Variants in AAMDC observed in about 807,000 individuals in gnomAD.
The protein encoded by AAMDC is adipogenesis associated Mth938 domain containing, also known as mth938 domain-containing protein.
AAMDC carries 16 observed loss-of-function variants against 15.5 expected under a neutral mutation model. The observed-to-expected ratio is 1.03, with a 90% CI of 0.70 to 1.57. AAMDC has a LOEUF of 1.57. Ranked by LOEUF, AAMDC falls within the 40% of genes most tolerant of loss-of-function variation. The probability of loss-of-function intolerance (pLI) is 0.00; values close to 1 mark genes in which losing one functional copy is unlikely to be tolerated. For synonymous variants in AAMDC, 51 were observed against 51.6 expected, an observed-to-expected ratio of 0.99 and a Z score of 0.05; for missense variants, 141 against 144.9, an observed-to-expected ratio of 0.97 and a Z score of 0.14.
At chr11:77,871,351 T>C (rs1383740080) in intron 3 of AAMDC, among the ~76,000 whole-genome samples, 1 of 152,204 alleles carries the variant, frequency 6.6e-6, no homozygotes, top group Non-Finnish European at 1.5e-5. Flanking sequence ...TATAAATTCA[T>C]TTACAGATAT....
At chr11:77,872,359 TG>T, downstream of AAMDC, 1 of 1,566,916 alleles carries the variant, frequency 6.4e-7, no homozygotes, top group African/African-American at 1.4e-5. Context: ...CCTATGCCTG[TG>T]ACTGTCACTC....
chr11:77,827,384 C>G (rs992210351), intron 1 of AAMDC, among the ~76,000 whole-genome samples: 10 of 152,102 alleles, frequency 6.6e-5, no homozygotes, highest in African/African-American at 2.4e-4. Flanking sequence ...CACAGCAATC[C>G]TCAATTAAAT....
chr11:77,857,961 T>G (rs551342583), intron 2 of AAMDC, among the ~76,000 whole-genome samples: 1 of 152,146 alleles, frequency 6.6e-6, no homozygotes, highest in Non-Finnish European at 1.5e-5. Context: ...CCCAAAGTGC[T>G]GGGATTACAG....
chr11:77,877,125 G>T (rs969484318), downstream of AAMDC: 2 of 680,612 alleles, frequency 2.9e-6, no homozygotes, highest in Non-Finnish European at 5.4e-6. Flanking sequence ...TCATGACCTC[G>T]TGGAAATAGA....
At chr11:77,903,471 T>A (rs1342883334), downstream of AAMDC, 1 of 1,606,970 alleles carries the variant, frequency 6.2e-7, no homozygotes, top group Non-Finnish European at 8.5e-7. Context: ...GGAAGGCCTC[T>A]GGCTCTGTCT....
Position 77,869,765 on chromosome 11 carries a change from A to G in AAMDC, c.176A>G (p.Glu59Gly). ...CCTGCAGATGTGAAGGAAGTTGTTG[A>G]GAAGGGTGTACAGACTCTTGTGATT... Reference protein sequence around the residue: ...VQPADVKEVVEKGVQTLVIGR... With the variant: ...VQPADVKEVVGKGVQTLVIGR... Residue 59 changes from glutamate (E) to glycine (G), a missense_variant, in exon 3 of 4, where the codon GAG becomes GGG. Coordinates refer to ENST00000393427, the MANE Select transcript of AAMDC (RefSeq NM_024684.4). 6.2e-7 allele frequency: 1 copy of G among 1,614,034 alleles called. No individual in the cohort carries two copies. The highest frequency in any genetic ancestry group is 8.5e-7 in the Non-Finnish European group (1 of 1,179,928).
chr11:77,889,648 T>C (rs892850586), intron 5 of AAMDC, among the ~76,000 whole-genome samples: 13 of 152,186 alleles, frequency 8.5e-5, no homozygotes, highest in African/African-American at 3.1e-4. Context: ...CTCAGTGTCA[T>C]CTCTGAGGCA....
At chr11:77,863,483 C>T (rs573321145) in intron 2 of AAMDC, among the ~76,000 whole-genome samples, 2 of 152,092 alleles carry the variant, frequency 1.3e-5, no homozygotes, top group African/African-American at 2.4e-5. Flanking sequence ...AGGTAGCCTG[C>T]GTTTAAGCAA....
At chr11:77,856,290 G>A (rs1950620117) in intron 2 of AAMDC, among the ~76,000 whole-genome samples, 1 of 152,098 alleles carries the variant, frequency 6.6e-6, no homozygotes, top group Admixed American at 6.5e-5. Flanking sequence ...GACCTTCTCA[G>A]CCTGGACTTC....
At chr11:77,838,041 C>G (rs1949764778) in intron 1 of AAMDC, among the ~76,000 whole-genome samples, 2 of 152,268 alleles carry the variant, frequency 1.3e-5, no homozygotes, top group South Asian at 4.1e-4. Flanking sequence ...CTACTGCACT[C>G]CAGACTGGAT....
At chr11:77,864,707 A>G (rs932659924) in intron 2 of AAMDC, among the ~76,000 whole-genome samples, 4 of 152,196 alleles carry the variant, frequency 2.6e-5, no homozygotes, top group Non-Finnish European at 4.4e-5. Context: ...TGCCAGGCAC[A>G]GTGGCTCACA....
chr11:77,889,580 A>T (rs1410865730), intron 5 of AAMDC, among the ~76,000 whole-genome samples: 3 of 152,204 alleles, frequency 2.0e-5, no homozygotes, highest in Non-Finnish European at 4.4e-5. Flanking sequence ...TAATGAATGG[A>T]GTTCTGCAGG....
chr11:77,822,256 A>G (rs1327555550), intron 1 of AAMDC, among the ~76,000 whole-genome samples: 2 of 152,000 alleles, frequency 1.3e-5, no homozygotes, highest in Non-Finnish European at 2.9e-5. Context: ...CCTGGGCAAC[A>G]TGGTGAAACC....
chr11:77,879,230 A>T, intron 5 of AAMDC: 1 of 1,271,184 alleles, frequency 7.9e-7, no homozygotes, highest in Non-Finnish European at 1.1e-6. Context: ...GTAGGGAGAA[A>T]TTTCTTCATC....
downstream of AAMDC, among the ~76,000 whole-genome samples, chr11:77,876,204 A>G (rs907748106): frequency 6.6e-6 from 1 of 152,132 alleles, no homozygotes; most frequent in South Asian, 2.1e-4. Flanking sequence ...TCTGGCTCTG[A>G]CTGCTGGGTG....
chr11:77,827,632 G>C (rs1232321214), intron 1 of AAMDC, among the ~76,000 whole-genome samples: 1 of 152,186 alleles, frequency 6.6e-6, no homozygotes, highest in East Asian at 1.9e-4. Context: ...TTTTCAGCCT[G>C]ATTAAGAGCA....
intron 5 of AAMDC, among the ~76,000 whole-genome samples, chr11:77,899,089 TGAGGAA>T (rs1368446800): frequency 6.6e-6 from 1 of 152,042 alleles, no homozygotes; most frequent in Non-Finnish European, 1.5e-5. Flanking sequence ...AATAACCCTG[TGAGGAA>T]GAGATAGGTA....
intron 2 of AAMDC, among the ~76,000 whole-genome samples, chr11:77,843,693 G>A (rs1040326458): frequency 2.6e-5 from 4 of 152,158 alleles, no homozygotes; most frequent in Admixed American, 2.6e-4. Context: ...CAGTTCTGGA[G>A]ACTGAAAGTG....
chr11:77,854,797 G>C (rs1276419587), intron 2 of AAMDC, among the ~76,000 whole-genome samples: 1 of 152,200 alleles, frequency 6.6e-6, no homozygotes, highest in Non-Finnish European at 1.5e-5. Context: ...TGTCCCAGTG[G>C]GGACTCTGTG....
Sources: gnomAD v4.1 joint callset for allele counts (sites outside exome capture counted in the v4.1 genomes callset) on GRCh38, gnomAD v4.1.1 for gene constraint, MANE v1.5 for transcripts, NCBI Gene and HGNC (gene_info 2026-07-23, HGNC 2026-07-21) for gene names.